Variants in LATS1 observed in about 807,000 individuals in gnomAD.
LATS1 encodes the protein serine/threonine-protein kinase LATS1.
LATS1 carries 25 observed loss-of-function variants against 106.6 expected under a neutral mutation model. The observed-to-expected ratio is 0.23, with a 90% CI of 0.17 to 0.33. LATS1 has a LOEUF of 0.33. LATS1 is among the 10% of genes least tolerant of loss of function. The probability of loss-of-function intolerance (pLI) is 1.00; values close to 1 mark genes in which losing one functional copy is unlikely to be tolerated. For missense variants in LATS1, 1,040 were observed against 1,382.6 expected (o/e 0.75, Z 3.93); for synonymous variants, 465 against 455.6 (o/e 1.02, Z -0.26).
At chr6:149,662,322 T>A in intron 7 of LATS1, 84 bp from the exon 8 acceptor site, 1 of 1,145,144 alleles carries the variant, frequency 8.7e-7, no homozygotes. Flanking sequence ...AAAGTCTCAC[T>A]GGGCTATTTT....
At chr6:149,697,725 A>C (rs1783178555) in intron 2 of LATS1, among the ~76,000 whole-genome samples, 1 of 151,978 alleles carries the variant, frequency 6.6e-6, no homozygotes, top group African/African-American at 2.4e-5. Flanking sequence ...ATATTGTGGG[A>C]ATCATTTTTC....
Position 149,699,936 on chromosome 6 carries a change from T to A in LATS1, c.348+1843A>T, listed in dbSNP as rs116419072. On this transcript the variant is annotated intron_variant, in intron 2 of 7. Coordinates refer to ENST00000543571, the MANE Select transcript of LATS1 (RefSeq NM_004690.4). ...CTTAGCAATATGTAAAAGGAAAGAA[T>A]AAGATCAATAATTATACTTTGCCTT... Among the ~76,000 whole-genome samples the A allele has an allele frequency of 2.9e-3, 443 of 152,276 alleles. 1 individual carries two copies. The highest frequency in any genetic ancestry group is 0.01 in the African/African-American group (419 of 41,568).
chr6:149,665,192 T>C (rs1046494743), intron 7 of LATS1, among the ~76,000 whole-genome samples: 1 of 152,022 alleles, frequency 6.6e-6, no homozygotes, highest in Non-Finnish European at 1.5e-5. Flanking sequence ...TGAAGCCCCG[T>C]CTCTATTAAA....
intron 1 of LATS1, among the ~76,000 whole-genome samples, chr6:149,707,011 CT>C (rs745424840): frequency 0.032 from 3,567 of 110,338 alleles, 31 homozygotes; most frequent in Non-Finnish European, 0.036. Flanking sequence ...CTGGACATCT[CT>C]TTTTTTTTTT....
At chr6:149,663,354 C>T (rs888054068) in intron 7 of LATS1, among the ~76,000 whole-genome samples, 2 of 152,092 alleles carry the variant, frequency 1.3e-5, no homozygotes, top group Non-Finnish European at 2.9e-5. Flanking sequence ...TGGTGGTGTA[C>T]ACCTGTGGTC....
At chr6:149,677,076 C>T (rs191648203) in intron 5 of LATS1, among the ~76,000 whole-genome samples, 19 of 152,284 alleles carry the variant, frequency 1.2e-4, no homozygotes, top group African/African-American at 4.6e-4. Flanking sequence ...CAAATTAGAT[C>T]CATCTTTCAT....
intron 7 of LATS1, among the ~76,000 whole-genome samples, chr6:149,671,675 T>C (rs998880714): frequency 4.6e-5 from 7 of 151,926 alleles, no homozygotes; most frequent in Admixed American, 3.9e-4. Flanking sequence ...CCTCCAACTT[T>C]TCTTGTTAAA....
intron 7 of LATS1, among the ~76,000 whole-genome samples, chr6:149,663,836 C>T (rs1237932618): frequency 6.8e-6 from 1 of 147,426 alleles, no homozygotes; most frequent in African/African-American, 2.5e-5. Flanking sequence ...TTGAAACAGT[C>T]TTGCTCTGTC....
At chr6:149,703,628 C>T (rs970007402) in intron 1 of LATS1, among the ~76,000 whole-genome samples, 1 of 151,980 alleles carries the variant, frequency 6.6e-6, no homozygotes, top group Admixed American at 6.6e-5. Context: ...ACTTGGGAGG[C>T]CAAGAAGGGA....
intron 3 of LATS1, among the ~76,000 whole-genome samples, chr6:149,687,576 T>C (rs1782462918): frequency 1.3e-5 from 2 of 151,486 alleles, no homozygotes; most frequent in Admixed American, 6.6e-5. Context: ...ATTACAGGCA[T>C]GCATCACCAT....
chr6:149,711,107 G>A (rs1294678655), intron 1 of LATS1, among the ~76,000 whole-genome samples: 12 of 152,026 alleles, frequency 7.9e-5, no homozygotes, highest in Non-Finnish European at 5.9e-5. Flanking sequence ...GAGAGGAGGA[G>A]GAATAGACGC....
At chr6:149,704,427 A>T (rs1783636654) in intron 1 of LATS1, among the ~76,000 whole-genome samples, 1 of 152,170 alleles carries the variant, frequency 6.6e-6, no homozygotes, top group African/African-American at 2.4e-5. Flanking sequence ...ATTAGATTAC[A>T]ATTTATTGCT....
At chr6:149,705,896 T>C (rs890884380) in intron 1 of LATS1, among the ~76,000 whole-genome samples, 3 of 151,918 alleles carry the variant, frequency 2.0e-5, no homozygotes, top group African/African-American at 7.3e-5. Context: ...TCAAAAGATA[T>C]TCCTGAGCCA....
intron 7 of LATS1, among the ~76,000 whole-genome samples, chr6:149,663,910 C>A (rs949505842): frequency 2.0e-5 from 3 of 151,238 alleles, no homozygotes; most frequent in Non-Finnish European, 4.4e-5. Context: ...TGGTTTCAAG[C>A]GATTCTCCTG....
intron 3 of LATS1, among the ~76,000 whole-genome samples, chr6:149,687,238 G>A (rs1209123470): frequency 6.6e-6 from 1 of 151,794 alleles, no homozygotes; most frequent in Non-Finnish European, 1.5e-5. Context: ...TTACAGGCAG[G>A]TGCCACCACA....
intron 1 of LATS1, among the ~76,000 whole-genome samples, chr6:149,713,832 G>GT (rs1784239743): frequency 6.6e-6 from 1 of 151,944 alleles, no homozygotes. Flanking sequence ...GCTAATTTTT[G>GT]TATTTTTAGT....
intron 1 of LATS1, among the ~76,000 whole-genome samples, chr6:149,708,401 C>T (rs1042480759): frequency 3.8e-5 from 5 of 132,176 alleles, no homozygotes; most frequent in South Asian, 4.7e-4. Context: ...GGCGACAGAG[C>T]GAGACTGGAT....
chr6:149,687,952 G>A lies in LATS1; in HGVS notation c.497-3360C>T, dbSNP rs911616659. 4.1e-5 allele frequency among the ~76,000 whole-genome samples: 6 copies of A among 147,626 alleles called. No homozygotes were observed. In the East Asian group the frequency reaches 8.0e-4, roughly 20 times the overall value. On this transcript the variant is annotated intron_variant, in intron 3 of 7. Coordinates refer to ENST00000543571, the MANE Select transcript of LATS1 (RefSeq NM_004690.4). ...TGCAGTGGTGCGATCTCGGCTCACT[G>A]CAAGCTCCGCCTCCCGGGTTCACGC...
rs905174775 is a variant in LATS1 at position 149,680,744 on chromosome 6, A to G, written c.2011-287T>C. ...TTCTACTCTTCTCTAATGCACTCCG[A>G]AAAAAAAAAAAAAAAAGGTTCTCAA... On this transcript the variant is annotated intron_variant, in intron 4 of 7. Coordinates refer to ENST00000543571, the MANE Select transcript of LATS1 (RefSeq NM_004690.4). 6.3e-4 allele frequency among the ~76,000 whole-genome samples: 27 copies of G among 43,146 alleles called. No individual in the cohort carries two copies. In the South Asian group the frequency reaches 8.8e-3, roughly 14 times the overall value. 28.3% of individuals were successfully genotyped at this position (43,146 alleles called of 152,430 possible).
Sources: gnomAD v4.1 joint callset for allele counts (sites outside exome capture counted in the v4.1 genomes callset) on GRCh38, gnomAD v4.1.1 for gene constraint, MANE v1.5 for transcripts, NCBI Gene and HGNC (gene_info 2026-07-23, HGNC 2026-07-21) for gene names.